The following BCAR3 variants were observed in gnomAD, a reference collection of about 807,000 sequenced individuals.
BCAR3 encodes the protein breast cancer anti-estrogen resistance protein 3.
In BCAR3, 37 loss-of-function variants were observed where a neutral mutation model predicts 80.1. The ratio of observed to expected loss-of-function variants is 0.46; its 90% CI spans 0.36 to 0.61. The LOEUF (loss-of-function observed/expected upper bound fraction) is 0.61, where lower values mean the gene tolerates loss of function less well. Among genes scored for constraint, BCAR3 ranks in the 20% least tolerant of loss-of-function variants. BCAR3 has a pLI of 0.00. For missense variants in BCAR3, 978 were observed against 1,068.2 expected, an observed-to-expected ratio of 0.92 and a Z score of 1.18; for synonymous variants, 389 against 418.9, an observed-to-expected ratio of 0.93 and a Z score of 0.87.
intron 3 of BCAR3, among the ~76,000 whole-genome samples, chr1:93,629,715 T>C (rs1326676741): frequency 6.6e-6 from 1 of 152,250 alleles, no homozygotes; most frequent in East Asian, 1.9e-4. Flanking sequence ...GCCTCTCGTT[T>C]TGGTGTTGAA....
chr1:93,778,148 C>T (rs892153297), intron 2 of BCAR3, among the ~76,000 whole-genome samples: 1 of 152,100 alleles, frequency 6.6e-6, no homozygotes, highest in Non-Finnish European at 1.5e-5. Flanking sequence ...CTGGACCATC[C>T]ATTTCTGAAA....
chr1:93,629,953 C>T (rs1484015789), intron 3 of BCAR3, among the ~76,000 whole-genome samples: 1 of 152,166 alleles, frequency 6.6e-6, no homozygotes, highest in South Asian at 2.1e-4. Flanking sequence ...ATAAAAACAC[C>T]GAAGGATTTC....
chr1:93,836,163 C>T (rs1286185711), intron 2 of BCAR3, among the ~76,000 whole-genome samples: 1 of 152,200 alleles, frequency 6.6e-6, no homozygotes, highest in African/African-American at 2.4e-5. Context: ...CCTCGAGATG[C>T]TACAGGGTAC....
At chr1:93,836,239 C>T (rs1241922619) in intron 2 of BCAR3, among the ~76,000 whole-genome samples, 1 of 152,148 alleles carries the variant, frequency 6.6e-6, no homozygotes, top group Non-Finnish European at 1.5e-5. Context: ...CAGACATCAG[C>T]CCAACTTGAA....
At chr1:93,628,050 T>G (rs1281140356) in intron 3 of BCAR3, among the ~76,000 whole-genome samples, 1 of 152,168 alleles carries the variant, frequency 6.6e-6, no homozygotes, top group Non-Finnish European at 1.5e-5. Context: ...GAAGTTTTAT[T>G]TTGACCCATT....
chr1:93,844,306 CAAAATA>C (rs911634920), intron 2 of BCAR3, among the ~76,000 whole-genome samples: 1 of 152,014 alleles, frequency 6.6e-6, no homozygotes, highest in Non-Finnish European at 1.5e-5. Flanking sequence ...GACTCTGTCT[CAAAATA>C]AAAATAAAAA....
Position 93,571,682 on chromosome 1 carries a change from C to T in BCAR3, c.1962G>A (p.Leu654=), listed in dbSNP as rs1236201238. ...LYSFSALMKA[L]EMPQITRLEK... Reference sequence around the variant, plus strand: ...ATTGGAAATTTACCTGTGGCATTTCCAGGGCTTTCATGAGAGCTGAGAAGG... The same window carrying T: ...ATTGGAAATTTACCTGTGGCATTTCTAGGGCTTTCATGAGAGCTGAGAAGG... Residue 654 remains leucine (L), a synonymous_variant, in exon 9 of 12, where the codon CTG becomes CTA. Transcript: ENST00000260502. The T allele has an allele frequency of 6.2e-7, 1 of 1,614,074 alleles. No homozygotes were observed. The highest frequency in any genetic ancestry group is 1.7e-5 in the Admixed American group (1 of 60,014).
At chr1:93,600,721 C>T (rs761707455) in intron 3 of BCAR3, 5 of 152,240 alleles carry the variant, frequency 3.3e-5, no homozygotes, top group Non-Finnish European at 7.3e-5. Flanking sequence ...GCCTCCATGC[C>T]TTTGTCTTGT....
intron 2 of BCAR3, among the ~76,000 whole-genome samples, chr1:93,760,912 G>A (rs759063118): frequency 6.6e-6 from 1 of 152,272 alleles, no homozygotes; most frequent in Admixed American, 6.5e-5. Context: ...CACCTTTGAG[G>A]CCAGAGAGGA....
chr1:93,755,032 A>G (rs1417153496), intron 2 of BCAR3, among the ~76,000 whole-genome samples: 1 of 152,194 alleles, frequency 6.6e-6, no homozygotes, highest in East Asian at 1.9e-4. Flanking sequence ...GCTGAGGCTA[A>G]TCGTGTGTGC....
chr1:93,815,749 T>C (rs1255258528), intron 2 of BCAR3, among the ~76,000 whole-genome samples: 2 of 152,220 alleles, frequency 1.3e-5, no homozygotes, highest in African/African-American at 4.8e-5. Context: ...AGATGCGCTA[T>C]ACACCAACAG....
intron 2 of BCAR3, among the ~76,000 whole-genome samples, chr1:93,785,796 G>A (rs2100766394): frequency 6.6e-6 from 1 of 152,280 alleles, no homozygotes; most frequent in Admixed American, 6.5e-5. Flanking sequence ...TCTATCAAAT[G>A]GTGGAGGTTA....
At chr1:93,621,122 C>T (rs544743532) in intron 3 of BCAR3, among the ~76,000 whole-genome samples, 50 of 152,334 alleles carry the variant, frequency 3.3e-4, no homozygotes, top group Admixed American at 8.5e-4. Context: ...CCCATTCCAG[C>T]CTGGAGAGAA....
chr1:93,583,605 C>T (rs559128612), intron 6 of BCAR3, among the ~76,000 whole-genome samples: 44 of 152,258 alleles, frequency 2.9e-4, no homozygotes, highest in African/African-American at 1.1e-3. Context: ...TTGGCCTGGA[C>T]AGCTGTTCTG....
At chr1:93,756,154 A>T (rs971193784) in intron 2 of BCAR3, among the ~76,000 whole-genome samples, 1 of 152,260 alleles carries the variant, frequency 6.6e-6, no homozygotes, top group African/African-American at 2.4e-5. Context: ...TCTATAACCT[A>T]AAAGAACCAA....
chr1:93,700,651 A>G lies in BCAR3; in HGVS notation c.-12+5441T>C, dbSNP rs1487814310. Among the ~76,000 whole-genome samples the G allele has an allele frequency of 2.0e-5, 3 of 151,250 alleles. No homozygotes were observed. The East Asian group carries it at 5.8e-4, about 29-fold the overall frequency. ...AACAGAAGCCAGGAGGAACAGCAGC[A>G]CCTCACACATCTAGTAGCACTCCGG... is the stretch of plus-strand genomic sequence containing the variant. On this transcript the variant is annotated intron_variant, in intron 3 of 13. Coordinates refer to the BCAR3 transcript ENST00000370244.
At chr1:93,579,638 G>A (rs568603049) in intron 7 of BCAR3, among the ~76,000 whole-genome samples, 1 of 152,276 alleles carries the variant, frequency 6.6e-6, no homozygotes, top group Admixed American at 6.5e-5. Context: ...CAGGCCTCCT[G>A]CCAAGGGCGG....
At chr1:93,725,353 T>TTAAAATGGCCCAGCC (rs1553168078) in intron 2 of BCAR3, among the ~76,000 whole-genome samples, 1 of 152,250 alleles carries the variant, frequency 6.6e-6, no homozygotes, top group African/African-American at 2.4e-5. Flanking sequence ...TGTGAGGGCC[T>TTAAAATGGCCCAGCC]TAAAATGGCC....
At chr1:93,845,285 C>G (rs900638283) in intron 2 of BCAR3, among the ~76,000 whole-genome samples, 1 of 151,854 alleles carries the variant, frequency 6.6e-6, no homozygotes, top group African/African-American at 2.4e-5. Flanking sequence ...ACTCCTAAGA[C>G]CAGTGGAGAC....
Sources: gnomAD v4.1 joint callset for allele counts (sites outside exome capture counted in the v4.1 genomes callset) on GRCh38, gnomAD v4.1.1 for gene constraint, MANE v1.5 for transcripts, NCBI Gene and HGNC (gene_info 2026-07-23, HGNC 2026-07-21) for gene names.